KCNH1: variants seen among roughly 807,000 people sequenced by gnomAD.
KCNH1 encodes the protein voltage-gated delayed rectifier potassium channel KCNH1.
KCNH1 carries 27 observed loss-of-function variants against 69.2 expected under a neutral mutation model. The ratio of observed to expected loss-of-function variants is 0.39; its 90% CI spans 0.29 to 0.54. The LOEUF is 0.54. Among genes scored for constraint, KCNH1 ranks in the 20% least tolerant of loss-of-function variants. The probability of loss-of-function intolerance (pLI) is 0.68; values close to 1 mark genes in which losing one functional copy is unlikely to be tolerated. For synonymous variants in KCNH1, 456 were observed against 487.7 expected, an observed-to-expected ratio of 0.93 and a Z score of 0.86; for missense variants, 798 against 1,261.6, an observed-to-expected ratio of 0.63 and a Z score of 5.57.
intron 7 of KCNH1, among the ~76,000 whole-genome samples, chr1:210,847,945 G>A (rs1346561595): frequency 6.6e-6 from 1 of 152,130 alleles, no homozygotes; most frequent in Non-Finnish European, 1.5e-5. Context: ...AAGACTGAAA[G>A]GGTGGGCCAG....
intron 10 of KCNH1, among the ~76,000 whole-genome samples, chr1:210,751,100 G>T (rs1683274127): frequency 6.6e-6 from 1 of 152,208 alleles, no homozygotes; most frequent in Non-Finnish European, 1.5e-5. Flanking sequence ...TCTTTGAGTT[G>T]TGGTTCTATA....
chr1:211,039,577 G>A (rs893704713), intron 5 of KCNH1, among the ~76,000 whole-genome samples: 38 of 152,172 alleles, frequency 2.5e-4, no homozygotes, highest in Non-Finnish European at 2.1e-4. Flanking sequence ...TCACAGGGGC[G>A]GAGCTGCCTA....
chr1:210,731,414 C>A (rs191716036), intron 10 of KCNH1, among the ~76,000 whole-genome samples: 207 of 152,362 alleles, frequency 1.4e-3, no homozygotes, highest in Middle Eastern at 3.4e-3. Flanking sequence ...CACTACTATA[C>A]AGTCCCTCAC....
chr1:211,085,019 A>T (rs74156893), intron 4 of KCNH1, among the ~76,000 whole-genome samples: 2,354 of 152,268 alleles, frequency 0.015, 64 homozygotes, highest in African/African-American at 0.053. Context: ...TGTGGCCAAG[A>T]CTGTCAAAAG....
At chr1:211,097,194 T>C (rs1571644287) in intron 3 of KCNH1, among the ~76,000 whole-genome samples, 1 of 152,328 alleles carries the variant, frequency 6.6e-6, no homozygotes, top group Middle Eastern at 3.4e-3. Context: ...TAAATAGTAA[T>C]GGGACAGCTG....
chr1:210,814,158 A>T (rs993208642), intron 7 of KCNH1, among the ~76,000 whole-genome samples: 1 of 152,202 alleles, frequency 6.6e-6, no homozygotes, highest in African/African-American at 2.4e-5. Flanking sequence ...TCAATCCAGC[A>T]TAGGAGGAGG....
chr1:210,837,618 A>C (rs2102448760), intron 7 of KCNH1, among the ~76,000 whole-genome samples: 1 of 152,340 alleles, frequency 6.6e-6, no homozygotes, highest in East Asian at 1.9e-4. Flanking sequence ...CAGGATTCTT[A>C]CATGACAACA....
chr1:210,840,321 G>A (rs1295737751), intron 7 of KCNH1, among the ~76,000 whole-genome samples: 2 of 152,092 alleles, frequency 1.3e-5, no homozygotes, highest in Non-Finnish European at 2.9e-5. Flanking sequence ...AAAACCAGCA[G>A]TTGTTCTCCT....
chr1:210,955,169 C>T lies in KCNH1; in HGVS notation c.1033-35100G>A, dbSNP rs189015883. ...TTTATTAAACAGGGAATCCTTTCCC[C>T]ATTTCTTGTTTTTGTCAGGTATGTC... On this transcript the variant is annotated intron_variant, in intron 6 of 10. Coordinates refer to ENST00000271751, the MANE Select transcript of KCNH1 (RefSeq NM_172362.3). Among the ~76,000 whole-genome samples, 693 of 152,276 alleles carry T rather than the reference C, an allele frequency of 4.6e-3. 3 individuals carry two copies. The highest frequency in any genetic ancestry group is 5.1e-3 in the Non-Finnish European group (345 of 68,002).
chr1:211,086,976 G>C (rs74156896), intron 4 of KCNH1, among the ~76,000 whole-genome samples: 2,892 of 152,146 alleles, frequency 0.019, 97 homozygotes, highest in African/African-American at 0.066. Flanking sequence ...AATGTATAAA[G>C]AACCAAAAAT....
At chr1:210,856,289 A>T (rs1272255943) in intron 7 of KCNH1, among the ~76,000 whole-genome samples, 1 of 152,118 alleles carries the variant, frequency 6.6e-6, no homozygotes, top group African/African-American at 2.4e-5. Context: ...GAATAATCCC[A>T]CTCACATAAT....
intron 10 of KCNH1, among the ~76,000 whole-genome samples, chr1:210,752,257 G>T (rs1388742321): frequency 6.6e-6 from 1 of 152,130 alleles, no homozygotes; most frequent in African/African-American, 2.4e-5. Flanking sequence ...TCAACAAAAG[G>T]TTGTTCTTAA....
chr1:210,960,952 T>G (rs2102356253), intron 6 of KCNH1, among the ~76,000 whole-genome samples: 2 of 152,282 alleles, frequency 1.3e-5, no homozygotes, highest in Middle Eastern at 6.8e-3. Flanking sequence ...AGGTACATAG[T>G]GGTTTCTTGT....
chr1:210,992,685 G>T (rs193047887), intron 6 of KCNH1, among the ~76,000 whole-genome samples: 7 of 152,040 alleles, frequency 4.6e-5, no homozygotes, highest in Admixed American at 2.6e-4. Flanking sequence ...CATGCTATTT[G>T]TTGCTTTTTC....
intron 7 of KCNH1, among the ~76,000 whole-genome samples, chr1:210,813,660 GC>G (rs762477411): frequency 1.2e-4 from 18 of 152,176 alleles, no homozygotes; most frequent in Admixed American, 9.2e-4. Context: ...ATGGCAACTG[GC>G]AACTAACTTT....
At chr1:210,695,805 T>G (rs776321458) in intron 10 of KCNH1, among the ~76,000 whole-genome samples, 3 of 152,200 alleles carry the variant, frequency 2.0e-5, no homozygotes, top group Non-Finnish European at 4.4e-5. Context: ...ATCAGCTCTT[T>G]ATGTATTGCC....
chr1:210,713,962 C>CTCCGGTGGGAGGCTTCTCACGAT (rs1174052765), intron 10 of KCNH1, among the ~76,000 whole-genome samples: 1 of 152,198 alleles, frequency 6.6e-6, no homozygotes, highest in Non-Finnish European at 1.5e-5. Flanking sequence ...TATCCTGTCA[C>CTCCGGTGGGAGGCTTCTCACGAT]TCCGGTGGGA....
intron 1 of KCNH1, among the ~76,000 whole-genome samples, chr1:211,119,081 C>T (rs911828304): frequency 6.6e-6 from 1 of 152,286 alleles, no homozygotes; most frequent in African/African-American, 2.4e-5. Context: ...AAGTTTGAGG[C>T]CGGGCGCGGT....
At chr1:210,840,077 T>C (rs1015813237) in intron 7 of KCNH1, among the ~76,000 whole-genome samples, 5 of 152,196 alleles carry the variant, frequency 3.3e-5, no homozygotes, top group Admixed American at 2.6e-4. Context: ...TACCTGATCA[T>C]GTATTTAATT....
Sources: gnomAD v4.1 joint callset for allele counts (sites outside exome capture counted in the v4.1 genomes callset) on GRCh38, gnomAD v4.1.1 for gene constraint, MANE v1.5 for transcripts, NCBI Gene and HGNC (gene_info 2026-07-23, HGNC 2026-07-21) for gene names.